FCN1: variants seen among roughly 807,000 people sequenced by gnomAD.
The protein encoded by FCN1 is ficolin-1.
Under a neutral mutation model 35.6 loss-of-function variants are expected in FCN1, and 42 were observed. The observed-to-expected ratio is 1.18, with a 90% CI of 0.92 to 1.53. FCN1 has a LOEUF of 1.53. FCN1 is among the 40% of genes most tolerant of loss of function. The pLI, the probability that FCN1 is intolerant of heterozygous loss-of-function variation, is 0.00. For synonymous variants in FCN1, 179 were observed against 169.8 expected (o/e 1.05, Z -0.42); for missense variants, 439 against 428.4 (o/e 1.02, Z -0.22).
In FCN1 at chr9:134,910,185, C is replaced by T. The variant is rs560693415; in HGVS notation, c.734-140G>A. 1.7e-4 allele frequency: 133 copies of T among 794,886 alleles called. 2 individuals carry two copies. In the South Asian group the frequency reaches 1.9e-3, roughly 11 times the overall value. 49.2% of individuals were successfully genotyped at this position (794,886 alleles called of 1,614,324 possible). A position where few individuals can be genotyped will look rare whatever the true frequency, so the allele number is the denominator to read the frequency against. On this transcript the variant is annotated intron_variant, in intron 8 of 8. Transcript: ENST00000371806. ...GAGCTACAGGTGCACAAATGACCCA[C>T]CCAGGCCTTGGAGGAAGGGGAAGCA...
chr9:134,915,282 G>A lies in FCN1; in HGVS notation c.218-473C>T, dbSNP rs548767877. On this transcript the variant is annotated intron_variant, in intron 2 of 8. Transcript: ENST00000371806. ...CACCGTGCGCCTGAGCTCCTGGGGT[G>A]TCACACAGCGCTCCACGTGGTTCTG... Among the ~76,000 whole-genome samples, 16 of 152,284 alleles carry A rather than the reference G, an allele frequency of 1.1e-4. 1 individual carries two copies. Among genetic ancestry groups the A allele is most frequent in the African/African-American group, 3.8e-4 (16 of 41,562 alleles).
Position 134,910,543 on chromosome 9 carries a change from C to A in FCN1, c.734-498G>T, listed in dbSNP as rs12683973. ...TGCAAAATGGGGGTGACCTTCCCTG[C>A]CCTGCTGCCTTCCTTGGAGGTCATG... On this transcript the variant is annotated intron_variant, in intron 8 of 8. Coordinates refer to ENST00000371806, the MANE Select transcript of FCN1 (RefSeq NM_002003.5). Among the ~76,000 whole-genome samples the A allele has an allele frequency of 6.7e-4, 102 of 152,302 alleles. No homozygotes were observed. In the East Asian group the frequency reaches 0.018, roughly 27 times the overall value.
At position 134,908,175 on chromosome 9, in the gene FCN1, T is replaced by C. The variant is rs1830978142; in HGVS notation, c.*1623A>G. On this transcript the variant is annotated 3_prime_UTR_variant, in exon 9 of 9. Coordinates refer to ENST00000371806, the MANE Select transcript of FCN1 (RefSeq NM_002003.5). The stretch of plus-strand genomic sequence containing the variant: ...CTTTGGGTGCTGATTTGCATTTCTC[T>C]GGTAAGTGAAAAGTGGAGCACTTTT... The C allele has an allele frequency of 6.6e-6, 1 of 152,576 alleles. No individual in the cohort carries two copies. 9.5% of individuals were successfully genotyped at this position (152,576 alleles called of 1,614,324 possible). A position where few individuals can be genotyped will look rare whatever the true frequency, so the allele number is the denominator to read the frequency against.
intron 2 of FCN1, among the ~76,000 whole-genome samples, chr9:134,915,205 C>T (rs1167722794): frequency 2.0e-5 from 3 of 152,192 alleles, no homozygotes; most frequent in South Asian, 2.1e-4. Flanking sequence ...CGTCCCCACA[C>T]GGAGAGGGTG....
rs1338595237 is a variant in FCN1, at chr9:134,915,839, C to G, written c.217+509G>C. On this transcript the variant is annotated intron_variant, in intron 2 of 8. Coordinates refer to ENST00000371806, the MANE Select transcript of FCN1 (RefSeq NM_002003.5). ...TGCCTGCTGTTCATTCTCCCATGTT[C>G]CCTGCAAATCCACATGCAGAGCTCA... 3.3e-5 allele frequency among the ~76,000 whole-genome samples: 5 copies of G among 152,354 alleles called. No homozygotes were observed. In the South Asian group the frequency reaches 1.0e-3, roughly 32 times the overall value.
In FCN1 at chr9:134,909,256, T is replaced by A. The variant is rs1314842324; in HGVS notation, c.*542A>T. On this transcript the variant is annotated 3_prime_UTR_variant, in exon 9 of 9. Coordinates refer to ENST00000371806, the MANE Select transcript of FCN1 (RefSeq NM_002003.5). The stretch of plus-strand genomic sequence containing the variant: ...TCTGCCGTGGTGGGAAGCAGAAAAG[T>A]TCCTACTAAACTTTCCCCCTTTTTA... The A allele has an allele frequency of 7.8e-7, 1 of 1,289,598 alleles. No individual in the cohort carries two copies. Among genetic ancestry groups the A allele is most frequent in the Non-Finnish European group, 1.0e-6 (1 of 988,860 alleles). 79.9% of individuals were successfully genotyped at this position (1,289,598 alleles called of 1,614,324 possible).
chr9:134,914,541 G>T (rs1359567243), intron 3 of FCN1, 121 bp from the exon 4 acceptor site: 1 of 1,067,374 alleles, frequency 9.4e-7, no homozygotes, highest in Non-Finnish European at 1.4e-6. Flanking sequence ...GCTCACTAAG[G>T]CATCACAACG....
rs1554734051 is a variant in FCN1, at chr9:134,905,793, G to GCTGCTTCTT, written c.*4004_*4005insAAGAAGCAG. On this transcript the variant is annotated 3_prime_UTR_variant, in exon 9 of 9. Coordinates refer to ENST00000371806, the MANE Select transcript of FCN1 (RefSeq NM_002003.5). ...GCCACCGCGCCTGGCCGCTGCTGCT[G>GCTGCTTCTT]CTTCTTCTTCTTCTTCCTCTTCTTC... 16 of 96,390 alleles carry GCTGCTTCTT rather than the reference G, an allele frequency of 1.7e-4. 1 individual carries two copies. Among genetic ancestry groups the GCTGCTTCTT allele is most frequent in the Non-Finnish European group, 2.9e-4 (16 of 54,666 alleles). The allele number at this position is 96,390 out of a possible 1,614,324, so 6.0% of individuals were successfully genotyped here.
At chr9:134,914,643 G>A in intron 3 of FCN1, 113 bp downstream of exon 3, 4 of 910,880 alleles carry the variant, frequency 4.4e-6, no homozygotes, top group South Asian at 3.0e-5. Flanking sequence ...CTGTTGCCGT[G>A]TCTCTCTGTG....
Position 134,909,178 on chromosome 9 carries a change from T to C in FCN1, c.*620A>G. ...GGTGGCTGACCAGGCGCTCACTTAG[T>C]GAGTGCTAAGTGTTTATCTCTTCCC... On this transcript the variant is annotated 3_prime_UTR_variant, in exon 9 of 9. Coordinates refer to ENST00000371806, the MANE Select transcript of FCN1 (RefSeq NM_002003.5). The C allele has an allele frequency of 1.6e-6, 2 of 1,278,638 alleles. No individual in the cohort carries two copies. The highest frequency in any genetic ancestry group is 2.5e-5 in the South Asian group (2 of 80,404). The allele number at this position is 1,278,638 out of a possible 1,614,324, so 79.2% of individuals were successfully genotyped here.
chr9:134,914,543 A>G, intron 3 of FCN1, 123 bp from the exon 4 acceptor site: 1 of 1,071,990 alleles, frequency 9.3e-7, no homozygotes, highest in Non-Finnish European at 1.4e-6. Context: ...TCACTAAGGC[A>G]TCACAACGCC....
In FCN1 at chr9:134,912,559, G is replaced by T. The variant is rs759078336; in HGVS notation, c.525C>A (p.Tyr175Ter). 6.2e-7 allele frequency: 1 copy of T among 1,614,012 alleles called. No homozygotes were observed. The highest frequency in any genetic ancestry group is 1.1e-5 in the South Asian group (1 of 91,092). ...SVDFYRDWAAYKQGFGSQLGE... is the reference protein window; with the variant it reads ...SVDFYRDWAA ...CCAGCTGACTGCCGAAGCCCTGCTT[G>T]TATGCGGCCCAGTCCCGATAGAAGT... The change falls in exon 7 of 9, where the codon TAC (tyrosine) becomes TAA (stop). Residue 175 changes from tyrosine to a stop codon, truncating the protein, a stop_gained. Transcript: ENST00000371806. LOFTEE classifies it high-confidence loss of function.
chr9:134,911,296 C>G (rs369758633), intron 7 of FCN1, 29 bp from the exon 8 acceptor site: 6 of 1,610,726 alleles, frequency 3.7e-6, no homozygotes, highest in Non-Finnish European at 5.1e-6. Flanking sequence ...AAGGCCCCAG[C>G]CTTTAAGATC....
At chr9:134,917,220 T>A (rs980467433) in intron 1 of FCN1, among the ~76,000 whole-genome samples, 8 of 152,150 alleles carry the variant, frequency 5.3e-5, no homozygotes, top group African/African-American at 1.9e-4. Flanking sequence ...TTCATAAATA[T>A]GTTATCAGCC....
At chr9:134,914,563 A>G in intron 3 of FCN1, 143 bp from the exon 4 acceptor site, 1 of 981,960 alleles carries the variant, frequency 1.0e-6, no homozygotes, top group Non-Finnish European at 1.6e-6. Context: ...CCAGGTCTCA[A>G]TGGTGGGGAG....
rs1830972190 is a variant in FCN1 at position 134,907,750 on chromosome 9, TC to T, written c.*2047del. The stretch of plus-strand genomic sequence containing the variant: ...CCTTTTGCTGCCATGTTTGTGAGAC[TC>T]ATGCTCCTTGTGTGTAGGTGTCACT... On this transcript the variant is annotated 3_prime_UTR_variant, in exon 9 of 9. Coordinates refer to ENST00000371806, the MANE Select transcript of FCN1 (RefSeq NM_002003.5). 6.6e-6 allele frequency: 1 copy of T among 152,266 alleles called. No homozygotes were observed. Among genetic ancestry groups the T allele is most frequent in the African/African-American group, 2.4e-5 (1 of 41,466 alleles). The allele number at this position is 152,266 out of a possible 1,614,324, so 9.4% of individuals were successfully genotyped here. A position where few individuals can be genotyped will look rare whatever the true frequency, so the allele number is the denominator to read the frequency against.
chr9:134,907,121 A>G lies in FCN1; in HGVS notation c.*2677T>C, dbSNP rs1239406067. On this transcript the variant is annotated 3_prime_UTR_variant, in exon 9 of 9. Coordinates refer to ENST00000371806, the MANE Select transcript of FCN1 (RefSeq NM_002003.5). ...TCTATGGCTATTTTATATTTATATT[A>G]ATCATATTTATATTTTATATTTATA... The G allele has an allele frequency of 6.6e-6, 1 of 152,122 alleles. No homozygotes were observed. The highest frequency in any genetic ancestry group is 1.5e-5 in the Non-Finnish European group (1 of 68,028). The allele number at this position is 152,122 out of a possible 1,614,324, so 9.4% of individuals were successfully genotyped here. A position where few individuals can be genotyped will look rare whatever the true frequency, so the allele number is the denominator to read the frequency against.
Position 134,907,506 on chromosome 9 carries a change from C to T in FCN1, c.*2292G>A, listed in dbSNP as rs896994668. The T allele has an allele frequency of 2.6e-5, 4 of 152,216 alleles. No homozygotes were observed. Among genetic ancestry groups the T allele is most frequent in the Non-Finnish European group, 5.9e-5 (4 of 68,036 alleles). The allele number at this position is 152,216 out of a possible 1,614,324, so 9.4% of individuals were successfully genotyped here. A position where few individuals can be genotyped will look rare whatever the true frequency, so the allele number is the denominator to read the frequency against. ...TAGTTAACAAACATCCTTACAATCACCACCTGGGTCAAGAAACAGAGCATT... is the reference window on the plus strand; with the variant it reads ...TAGTTAACAAACATCCTTACAATCATCACCTGGGTCAAGAAACAGAGCATT... On this transcript the variant is annotated 3_prime_UTR_variant, in exon 9 of 9. Coordinates refer to ENST00000371806, the MANE Select transcript of FCN1 (RefSeq NM_002003.5).
At position 134,906,560 on chromosome 9, in the gene FCN1, T is replaced by G. The variant is rs1830959841; in HGVS notation, c.*3238A>C. ...AATTTAACTTAAATCTTAAGAAATC[T>G]AATAATTTAACTTAGAAATGCAATG... On this transcript the variant is annotated 3_prime_UTR_variant, in exon 9 of 9. Transcript: ENST00000371806. The G allele has an allele frequency of 6.6e-6, 1 of 152,230 alleles. No individual in the cohort carries two copies. 9.4% of individuals were successfully genotyped at this position (152,230 alleles called of 1,614,324 possible). A position where few individuals can be genotyped will look rare whatever the true frequency, so the allele number is the denominator to read the frequency against.
Sources: gnomAD v4.1 joint callset for allele counts (sites outside exome capture counted in the v4.1 genomes callset) on GRCh38, gnomAD v4.1.1 for gene constraint, MANE v1.5 for transcripts, NCBI Gene and HGNC (gene_info 2026-07-23, HGNC 2026-07-21) for gene names.